Variants in RBM19 observed in about 807,000 individuals in gnomAD.
RBM19 encodes the protein probable RNA-binding protein 19.
RBM19 carries 94 observed loss-of-function variants against 116.8 expected under a neutral mutation model. The observed-to-expected ratio is 0.80, with a 90% CI of 0.68 to 0.95. The LOEUF (loss-of-function observed/expected upper bound fraction) is 0.95, where lower values mean the gene tolerates loss of function less well. RBM19 is among the 40% of genes least tolerant of loss of function. RBM19 has a pLI of 0.00. For synonymous variants in RBM19, 475 were observed against 494.1 expected (o/e 0.96, Z 0.51); for missense variants, 1,161 against 1,220.7 (o/e 0.95, Z 0.73).
chr12:113,928,417 TACAC>T (rs3066401), intron 16 of RBM19, among the ~76,000 whole-genome samples: 4,695 of 136,316 alleles, frequency 0.034, 241 homozygotes, highest in African/African-American at 0.12. Context: ...TACATGTGCA[TACAC>T]ACACACACAC....
rs1870735669 is a variant in RBM19 at position 113,943,310 on chromosome 12, CG to C, written c.1627-877del. Among the ~76,000 whole-genome samples the C allele has an allele frequency of 4.6e-5, 7 of 152,218 alleles. 1 individual carries two copies. Among genetic ancestry groups the C allele is most frequent in the African/African-American group, 1.7e-4 (7 of 41,530 alleles). On this transcript the variant is annotated intron_variant, in intron 13 of 23. Coordinates refer to ENST00000261741, the MANE Select transcript of RBM19 (RefSeq NM_016196.4). ...CTGCATTCCGAGAACTCAGAGTACTCGGGGGATCTGAAGCGGCTGCAGGCCC... is the reference window on the plus strand; with the variant it reads ...CTGCATTCCGAGAACTCAGAGTACTCGGGGATCTGAAGCGGCTGCAGGCCC...
At chr12:113,927,405 A>G in intron 16 of RBM19, 176 bp from the exon 17 acceptor site, 2 of 671,646 alleles carry the variant, frequency 3.0e-6, no homozygotes, top group Non-Finnish European at 4.9e-6. Flanking sequence ...AGCTTCAGCA[A>G]CTCTTGAGAC....
intron 21 of RBM19, among the ~76,000 whole-genome samples, chr12:113,880,828 T>C (rs1176768672): frequency 6.6e-6 from 1 of 152,194 alleles, no homozygotes; most frequent in Non-Finnish European, 1.5e-5. Flanking sequence ...TTACTGGTCT[T>C]GGCCAAAAAC....
chr12:113,829,227 C>T (rs139665669), intron 23 of RBM19, among the ~76,000 whole-genome samples: 20 of 152,326 alleles, frequency 1.3e-4, no homozygotes, highest in Non-Finnish European at 2.2e-4. Context: ...GTGATCCACC[C>T]GCCTTGGCCT....
intron 21 of RBM19, among the ~76,000 whole-genome samples, chr12:113,887,672 G>C (rs541685059): frequency 1.6e-4 from 24 of 146,592 alleles, no homozygotes; most frequent in African/African-American, 6.0e-4. Flanking sequence ...AAAAGAAAAA[G>C]CCAACATCTA....
Position 113,959,196 on chromosome 12 carries a change from G to A in RBM19, c.571+16C>T. The A allele has an allele frequency of 6.2e-7, 1 of 1,601,934 alleles. No individual in the cohort carries two copies. The highest frequency in any genetic ancestry group is 8.5e-7 in the Non-Finnish European group (1 of 1,172,358). On this transcript the variant is annotated intron_variant, in intron 5 of 23. Coordinates refer to ENST00000261741, the MANE Select transcript of RBM19 (RefSeq NM_016196.4). ...CAGGTCCGTGCGCATGGAGCACACAGTCCCCATGCCCTCACCTTCCAGGTC... is the reference window on the plus strand; with the variant it reads ...CAGGTCCGTGCGCATGGAGCACACAATCCCCATGCCCTCACCTTCCAGGTC...
At chr12:113,933,941 C>T (rs1416687949) in intron 16 of RBM19, among the ~76,000 whole-genome samples, 1 of 152,074 alleles carries the variant, frequency 6.6e-6, no homozygotes, top group Non-Finnish European at 1.5e-5. Context: ...TCCACTGTGC[C>T]ATATTTTTCT....
At chr12:113,821,864 G>A (rs1022245827), downstream of RBM19, among the ~76,000 whole-genome samples, 4 of 152,236 alleles carry the variant, frequency 2.6e-5, no homozygotes, top group Non-Finnish European at 4.4e-5. Flanking sequence ...CGAGGCGCAT[G>A]CTTGGTCGTG....
chr12:113,935,469 G>A (rs1044543600), intron 16 of RBM19, among the ~76,000 whole-genome samples: 1 of 152,222 alleles, frequency 6.6e-6, no homozygotes, highest in Admixed American at 6.5e-5. Context: ...GATCCAAACT[G>A]AGTGGAGAGA....
chr12:113,947,156 A>C (rs1169603273), intron 11 of RBM19, among the ~76,000 whole-genome samples, 178 bp downstream of exon 11: 4 of 152,220 alleles, frequency 2.6e-5, no homozygotes, highest in Admixed American at 2.6e-4. Flanking sequence ...CCGTGCCCTC[A>C]CACGACTTCT....
At position 113,886,423 on chromosome 12, in the gene RBM19, G is replaced by T. The variant is rs576614645; in HGVS notation, c.2559-27527C>A. 9.2e-5 allele frequency among the ~76,000 whole-genome samples: 14 copies of T among 152,300 alleles called. No homozygotes were observed. The South Asian group carries it at 1.0e-3, about 11-fold the overall frequency. The stretch of plus-strand genomic sequence containing the variant: ...GCTGAGATTAGAGGTGTAAGCCACC[G>T]CGACTGGCCAGCTTTGCCATTTTAA... On this transcript the variant is annotated intron_variant, in intron 21 of 23. Coordinates refer to ENST00000261741, the MANE Select transcript of RBM19 (RefSeq NM_016196.4).
At chr12:113,847,054 T>G (rs1238277190) in intron 22 of RBM19, among the ~76,000 whole-genome samples, 3 of 152,126 alleles carry the variant, frequency 2.0e-5, no homozygotes, top group African/African-American at 4.8e-5. Flanking sequence ...GGCGTTTTGT[T>G]ATAGTAGCCC....
At chr12:113,867,673 C>A (rs1296126143) in intron 21 of RBM19, among the ~76,000 whole-genome samples, 1 of 152,188 alleles carries the variant, frequency 6.6e-6, no homozygotes, top group Admixed American at 6.5e-5. Flanking sequence ...GTAATCCTAG[C>A]ACTCTGGGAG....
At position 113,940,130 on chromosome 12, in the gene RBM19, G is replaced by A. The variant is rs751382773; in HGVS notation, c.1768C>T (p.Leu590=). ...GTGCCTGCCGGGAGGTTCTTGACCA[G>A]AATCACAGTCTTGCTTCGCTCTGCT... ...AAAERSKTVI[L]VKNLPAGTLA... The change falls in exon 15 of 24, where the codon CTG becomes TTG. Residue 590 remains leucine, a synonymous_variant. Transcript: ENST00000261741. 32 of 1,613,980 alleles carry A rather than the reference G, an allele frequency of 2.0e-5. No individual in the cohort carries two copies. Among genetic ancestry groups the A allele is most frequent in the Non-Finnish European group, 2.6e-5 (31 of 1,180,000 alleles).
In RBM19 at chr12:113,927,036, G is replaced by A. The variant is rs766148767; in HGVS notation, c.2244+18C>T. 1.2e-6 allele frequency: 2 copies of A among 1,610,012 alleles called. No homozygotes were observed. The highest frequency in any genetic ancestry group is 4.5e-5 in the East Asian group (2 of 44,852). ...TCCCATCCCACGCCCCTCCCTCCTG[G>A]GCTGAGAAACCACTCACTTCCTTCA... On this transcript the variant is annotated intron_variant, in intron 17 of 23. Coordinates refer to ENST00000261741, the MANE Select transcript of RBM19 (RefSeq NM_016196.4).
chr12:113,850,734 T>C (rs1428796964), intron 22 of RBM19, among the ~76,000 whole-genome samples: 1 of 152,246 alleles, frequency 6.6e-6, no homozygotes, highest in Non-Finnish European at 1.5e-5. Context: ...ACAGTATTCC[T>C]GTCTTTAGAA....
chr12:113,901,597 C>G (rs1364128611), intron 21 of RBM19, among the ~76,000 whole-genome samples: 1 of 152,192 alleles, frequency 6.6e-6, no homozygotes, highest in Admixed American at 6.5e-5. Flanking sequence ...CAACCTCCAC[C>G]TCCTGGGTTC....
intron 21 of RBM19, among the ~76,000 whole-genome samples, chr12:113,875,203 GA>G (rs1476781900): frequency 6.6e-6 from 1 of 152,264 alleles, no homozygotes. Flanking sequence ...TCATGGGGAG[GA>G]GAACGAATCA....
intron 23 of RBM19, among the ~76,000 whole-genome samples, chr12:113,833,921 T>C (rs564293780): frequency 2.0e-5 from 3 of 152,016 alleles, no homozygotes; most frequent in South Asian, 2.1e-4. Flanking sequence ...TTTTTAAAGT[T>C]TTTTTTTAGA....
Sources: gnomAD v4.1 joint callset for allele counts (sites outside exome capture counted in the v4.1 genomes callset) on GRCh38, gnomAD v4.1.1 for gene constraint, MANE v1.5 for transcripts, NCBI Gene and HGNC (gene_info 2026-07-23, HGNC 2026-07-21) for gene names.